Variants in MARCHF1 observed in about 807,000 individuals in gnomAD.
MARCHF1 encodes the protein membrane associated ring-CH-type finger 1, also known as E3 ubiquitin-protein ligase MARCHF1.
A neutral mutation model predicts 54.2 loss-of-function variants in MARCHF1; 40 were observed. That is an observed-to-expected ratio of 0.74 (90% CI 0.57 to 0.96). The LOEUF is 0.96. MARCHF1 is among the 40% of genes least tolerant of loss of function. MARCHF1 has a pLI of 0.00. For missense variants in MARCHF1, 586 were observed against 656.5 expected (o/e 0.89, Z 1.17); for synonymous variants, 236 against 236.3 (o/e 1.00, Z 0.01).
intron 3 of MARCHF1, among the ~76,000 whole-genome samples, chr4:163,967,014 C>CG (rs1208961559): frequency 3.9e-5 from 6 of 151,922 alleles, no homozygotes; most frequent in Non-Finnish European, 8.8e-5. Flanking sequence ...AATCACATTC[C>CG]GGGGGAGGGA....
At chr4:163,768,040 A>G (rs1241268282) in intron 4 of MARCHF1, among the ~76,000 whole-genome samples, 1 of 152,034 alleles carries the variant, frequency 6.6e-6, no homozygotes, top group Non-Finnish European at 1.5e-5. Context: ...TTTTTTTTAT[A>G]TCTTTTTCTT....
intron 2 of MARCHF1, among the ~76,000 whole-genome samples, chr4:164,108,168 G>A (rs188296644): frequency 8.6e-5 from 13 of 152,014 alleles, no homozygotes; most frequent in East Asian, 7.7e-4. Context: ...AAGACCTTTC[G>A]TGGCTTAAAG....
At chr4:164,296,213 C>A (rs1734406672) in intron 1 of MARCHF1, among the ~76,000 whole-genome samples, 1 of 152,114 alleles carries the variant, frequency 6.6e-6, no homozygotes, top group African/African-American at 2.4e-5. Flanking sequence ...ATCAAACAAT[C>A]ATATGTTAGT....
chr4:163,609,117 T>C (rs555414959), intron 7 of MARCHF1, among the ~76,000 whole-genome samples: 1 of 152,166 alleles, frequency 6.6e-6, no homozygotes, highest in African/African-American at 2.4e-5. Context: ...CGTTGTTTAG[T>C]GTCAGGCTAT....
chr4:164,131,616 C>A (rs923413960), intron 1 of MARCHF1, among the ~76,000 whole-genome samples: 1 of 151,926 alleles, frequency 6.6e-6, no homozygotes, highest in South Asian at 2.1e-4. Flanking sequence ...AAATAGGAAA[C>A]AATTTGTGAC....
chr4:164,197,105 C>A, intron 1 of MARCHF1: 1 of 1,606,734 alleles, frequency 6.2e-7, no homozygotes, highest in Non-Finnish European at 8.5e-7. Context: ...TCCTCCTCGT[C>A]CCCTCCACTC....
intron 1 of MARCHF1, among the ~76,000 whole-genome samples, chr4:164,312,308 A>ATTTTCT (rs1734872147): frequency 2.4e-5 from 3 of 125,536 alleles, no homozygotes; most frequent in South Asian, 2.5e-4. Context: ...CCTGTGAATT[A>ATTTTCT]TTTTCTTTTT....
At chr4:163,618,608 C>T (rs1295035605) in intron 5 of MARCHF1, among the ~76,000 whole-genome samples, 2 of 152,168 alleles carry the variant, frequency 1.3e-5, no homozygotes, top group South Asian at 2.1e-4. Context: ...GCTAAAATAG[C>T]ATCAAAATTA....
intron 4 of MARCHF1, among the ~76,000 whole-genome samples, chr4:163,822,806 G>A (rs1415991248): frequency 6.6e-6 from 1 of 151,698 alleles, no homozygotes; most frequent in Admixed American, 6.6e-5. Context: ...TGATCTATTG[G>A]AAAACCAGGA....
chr4:163,904,122 T>C (rs1257027397), intron 3 of MARCHF1, among the ~76,000 whole-genome samples: 1 of 152,198 alleles, frequency 6.6e-6, no homozygotes, highest in Non-Finnish European at 1.5e-5. Flanking sequence ...AATATTCCAT[T>C]TGGCTAATAA....
chr4:164,325,995 C>T (rs1002523188), intron 1 of MARCHF1, among the ~76,000 whole-genome samples: 3 of 152,052 alleles, frequency 2.0e-5, no homozygotes, highest in African/African-American at 4.8e-5. Context: ...ATTTTTATGT[C>T]GATTCCAAAA....
At chr4:164,011,694 T>G (rs1424149876) in intron 2 of MARCHF1, among the ~76,000 whole-genome samples, 1 of 152,178 alleles carries the variant, frequency 6.6e-6, no homozygotes, top group African/African-American at 2.4e-5. Flanking sequence ...TTAGTACAGC[T>G]ATTACAGAGT....
intron 1 of MARCHF1, among the ~76,000 whole-genome samples, chr4:164,171,048 C>G (rs1730512171): frequency 1.3e-5 from 2 of 152,036 alleles, no homozygotes; most frequent in Admixed American, 1.3e-4. Flanking sequence ...ACATGTTTTT[C>G]ATTTTATAGT....
chr4:163,751,453 A>G (rs1003096025), intron 4 of MARCHF1, among the ~76,000 whole-genome samples: 4 of 152,116 alleles, frequency 2.6e-5, no homozygotes, highest in African/African-American at 9.7e-5. Flanking sequence ...TTTTTTTAAT[A>G]TGTAGAGAAT....
chr4:163,752,651 T>C (rs1746557296), intron 4 of MARCHF1, among the ~76,000 whole-genome samples: 1 of 152,196 alleles, frequency 6.6e-6, no homozygotes, highest in Non-Finnish European at 1.5e-5. Context: ...TCATAATTAC[T>C]CCTAGAATTT....
chr4:163,831,184 A>C (rs1441478322), intron 4 of MARCHF1, among the ~76,000 whole-genome samples: 1 of 152,128 alleles, frequency 6.6e-6, no homozygotes, highest in Admixed American at 6.5e-5. Flanking sequence ...CTTAGTGACA[A>C]AGGGAGTGGG....
intron 2 of MARCHF1, among the ~76,000 whole-genome samples, chr4:164,035,496 AT>A (rs1387744206): frequency 6.6e-6 from 1 of 151,854 alleles, no homozygotes; most frequent in African/African-American, 2.4e-5. Context: ...ATAACTTTTC[AT>A]TGTAAAGTAT....
At chr4:163,653,041 G>T (rs13146547) in intron 5 of MARCHF1, among the ~76,000 whole-genome samples, 2 of 149,632 alleles carry the variant, frequency 1.3e-5, no homozygotes, top group Non-Finnish European at 3.0e-5. Context: ...GTAGTGCTAC[G>T]TACTATTAGA....
chr4:164,054,687 C>G (rs1006609854), intron 2 of MARCHF1, among the ~76,000 whole-genome samples: 10 of 146,486 alleles, frequency 6.8e-5, no homozygotes, highest in African/African-American at 2.3e-4. Flanking sequence ...AACAAAAAAC[C>G]AAACACCGCA....
Sources: gnomAD v4.1 joint callset for allele counts (sites outside exome capture counted in the v4.1 genomes callset) on GRCh38, gnomAD v4.1.1 for gene constraint, MANE v1.5 for transcripts, NCBI Gene and HGNC (gene_info 2026-07-23, HGNC 2026-07-21) for gene names.